Variants in CPSF7 observed in about 807,000 individuals in gnomAD.
CPSF7 encodes the protein cleavage and polyadenylation specific factor 7, also known as cleavage and polyadenylation specificity factor subunit 7.
Under a neutral mutation model 44.3 loss-of-function variants are expected in CPSF7, and 1 was observed. That is an observed-to-expected ratio of 0.02 (90% CI 0.01 to 0.11). The LOEUF is 0.11. Among genes scored for constraint, CPSF7 ranks in the 10% least tolerant of loss-of-function variants. CPSF7 has a pLI of 1.00. For synonymous variants in CPSF7, 202 were observed against 222.0 expected (o/e 0.91, Z 0.80); for missense variants, 443 against 607.2 (o/e 0.73, Z 2.84).
At chr11:61,424,500 T>A (rs758992151) in intron 2 of CPSF7, among the ~76,000 whole-genome samples, 20 of 152,220 alleles carry the variant, frequency 1.3e-4, no homozygotes, top group Admixed American at 3.3e-4. Flanking sequence ...TCACCCAGGT[T>A]GAAGTGCAGT....
intron 4 of CPSF7, 111 bp downstream of exon 4, chr11:61,420,359 A>C: frequency 1.0e-6 from 1 of 983,118 alleles, no homozygotes; most frequent in Non-Finnish European, 1.5e-6. Flanking sequence ...AAACCAAGGC[A>C]GTAAGCTGGG....
chr11:61,409,221 C>A (rs904292625), intron 9 of CPSF7, among the ~76,000 whole-genome samples: 6 of 151,958 alleles, frequency 3.9e-5, no homozygotes, highest in Non-Finnish European at 7.4e-5. Flanking sequence ...CGCCTGTAAT[C>A]CCAGCACTTT....
At chr11:61,429,607 G>T in intron 1 of CPSF7, 1 of 834,582 alleles carries the variant, frequency 1.2e-6, no homozygotes, top group Non-Finnish European at 1.8e-6. Context: ...CCGCGGCGAA[G>T]CCCGCAGCCC....
chr11:61,424,475 T>TA (rs1204082648), intron 2 of CPSF7, among the ~76,000 whole-genome samples: 1 of 152,172 alleles, frequency 6.6e-6, no homozygotes, highest in East Asian at 1.9e-4. Context: ...TTTTCTGAGA[T>TA]AGAGTCTCAC....
At chr11:61,426,072 C>T (rs1325856761) in intron 2 of CPSF7, among the ~76,000 whole-genome samples, 2 of 152,176 alleles carry the variant, frequency 1.3e-5, no homozygotes, top group African/African-American at 4.8e-5. Flanking sequence ...CCCTGTGTTA[C>T]AGGAATAAAG....
intron 5 of CPSF7, among the ~76,000 whole-genome samples, chr11:61,418,052 A>T (rs1467305230): frequency 2.0e-5 from 3 of 152,244 alleles, no homozygotes; most frequent in Non-Finnish European, 4.4e-5. Flanking sequence ...GAAAGACTCC[A>T]AAACAGAGGG....
At chr11:61,412,510 T>C (rs1478479111) in intron 7 of CPSF7, among the ~76,000 whole-genome samples, 1 of 152,142 alleles carries the variant, frequency 6.6e-6, no homozygotes, top group Non-Finnish European at 1.5e-5. Context: ...AGGATGGTCT[T>C]GATCTCCTGA....
At chr11:61,411,512 A>G (rs923497866) in intron 8 of CPSF7, among the ~76,000 whole-genome samples, 3 of 152,224 alleles carry the variant, frequency 2.0e-5, no homozygotes, top group African/African-American at 7.2e-5. Flanking sequence ...GTAGGGCTCC[A>G]AAACCCATGT....
intron 2 of CPSF7, 53 bp downstream of exon 2, chr11:61,429,129 A>T (rs1861681270): frequency 9.3e-7 from 1 of 1,074,142 alleles, no homozygotes; most frequent in African/African-American, 1.6e-5. Flanking sequence ...GTTTGCTGAA[A>T]ATGATTCCTC....
chr11:61,413,382 A>T lies in CPSF7; in HGVS notation c.1058-1445T>A, dbSNP rs1370781870. On this transcript the variant is annotated intron_variant, in intron 7 of 9. Transcript: ENST00000439958. ...TGCAGTGGCTCACACTTGTAATCCC[A>T]GCACTTTGGGAGGCCGAGGTGGGCG... Among the ~76,000 whole-genome samples the T allele has an allele frequency of 2.6e-5, 4 of 152,260 alleles. No individual in the cohort carries two copies. The East Asian group carries it at 7.7e-4, about 29-fold the overall frequency.
intron 5 of CPSF7, among the ~76,000 whole-genome samples, chr11:61,419,167 C>A (rs893277983): frequency 6.6e-6 from 1 of 152,018 alleles, no homozygotes; most frequent in Non-Finnish European, 1.5e-5. Flanking sequence ...GGATTACAGG[C>A]ATGTGTCACC....
chr11:61,423,921 T>C (rs1158505143), intron 2 of CPSF7, among the ~76,000 whole-genome samples: 2 of 152,242 alleles, frequency 1.3e-5, no homozygotes, highest in African/African-American at 4.8e-5. Flanking sequence ...GTTGTTCTGA[T>C]AGAGAAGGGG....
intron 2 of CPSF7, among the ~76,000 whole-genome samples, chr11:61,427,655 GAAAAAAAA>G (rs576742257): frequency 2.4e-5 from 1 of 41,710 alleles, no homozygotes; most frequent in South Asian, 7.6e-4. Context: ...TCTGTCTCAA[GAAAAAAAA>G]AAAAAAAAAA....
intron 7 of CPSF7, among the ~76,000 whole-genome samples, chr11:61,412,211 T>C (rs941955104): frequency 6.6e-6 from 1 of 152,242 alleles, no homozygotes; most frequent in Non-Finnish European, 1.5e-5. Flanking sequence ...GCATATTTTT[T>C]GAGCCAGCAA....
At chr11:61,415,351 C>T (rs1860225882) in intron 7 of CPSF7, among the ~76,000 whole-genome samples, 2 of 152,148 alleles carry the variant, frequency 1.3e-5, no homozygotes, top group South Asian at 4.1e-4. Flanking sequence ...TAAAGATCAA[C>T]CACTGAGATG....
Position 61,421,579 on chromosome 11 carries a change from A to G in CPSF7, c.84T>C (p.Ile28=). The G allele has an allele frequency of 6.2e-7, 1 of 1,613,840 alleles. No individual in the cohort carries two copies. Among genetic ancestry groups the G allele is most frequent in the South Asian group, 1.1e-5 (1 of 91,068 alleles). The change falls in exon 3 of 10, where the codon ATT becomes ATC. Residue 28 remains isoleucine, a synonymous_variant. Transcript: ENST00000439958. ...QDPEFNNTDQ[I]DLYDDVLTAT... is the part of the protein sequence containing the mutation. The stretch of plus-strand genomic sequence containing the variant: ...CTGTCAGCACATCATCATACAGGTC[A>G]ATCTGATCTGTATTGTTGAACTCTG...
At chr11:61,412,733 C>A (rs1195769249) in intron 7 of CPSF7, among the ~76,000 whole-genome samples, 1 of 152,122 alleles carries the variant, frequency 6.6e-6, no homozygotes, top group Non-Finnish European at 1.5e-5. Flanking sequence ...CCATGTAAAG[C>A]CCTTAGCACA....
At chr11:61,429,030 T>C (rs1298947347) in intron 2 of CPSF7, 152 bp downstream of exon 2, 1 of 545,576 alleles carries the variant, frequency 1.8e-6, no homozygotes, top group East Asian at 2.9e-5. Context: ...GAATGGAGTG[T>C]AGTCTTTAAA....
At chr11:61,420,688 C>A in intron 3 of CPSF7, 115 bp from the exon 4 acceptor site, 1 of 761,690 alleles carries the variant, frequency 1.3e-6, no homozygotes, top group Non-Finnish European at 2.2e-6. Context: ...AACTCAAAAG[C>A]CTGGCAATAT....
Sources: gnomAD v4.1 joint callset for allele counts (sites outside exome capture counted in the v4.1 genomes callset) on GRCh38, gnomAD v4.1.1 for gene constraint, MANE v1.5 for transcripts, NCBI Gene and HGNC (gene_info 2026-07-23, HGNC 2026-07-21) for gene names.